The following COL26A1 variants were observed in gnomAD, a reference collection of about 807,000 sequenced individuals.
COL26A1 encodes collagen alpha-1(XXVI) chain.
A neutral mutation model predicts 59.3 loss-of-function variants in COL26A1; 41 were observed. The observed-to-expected ratio is 0.69, with a 90% CI of 0.54 to 0.90. The LOEUF is 0.90. COL26A1 is among the 40% of genes least tolerant of loss of function. The pLI is 0.00. For missense variants in COL26A1, 612 were observed against 602.3 expected (o/e 1.02, Z -0.17); for synonymous variants, 266 against 256.0 (o/e 1.04, Z -0.37).
intron 1 of COL26A1, among the ~76,000 whole-genome samples, chr7:101,413,666 A>G (rs761288311): frequency 8.5e-5 from 13 of 152,308 alleles, no homozygotes; most frequent in South Asian, 2.1e-4. Flanking sequence ...CTGAGTGCTC[A>G]GCTGGGGAGA....
chr7:101,494,320 T>G (rs772460258), intron 3 of COL26A1, among the ~76,000 whole-genome samples: 3 of 151,888 alleles, frequency 2.0e-5, no homozygotes, highest in South Asian at 2.1e-4. Flanking sequence ...AGGGATAGGG[T>G]TTCACCATGT....
chr7:101,372,949 C>A (rs1010689125), intron 1 of COL26A1, among the ~76,000 whole-genome samples: 5 of 152,176 alleles, frequency 3.3e-5, no homozygotes, highest in African/African-American at 9.7e-5. Context: ...GAACTATGAT[C>A]GTGCCACTGC....
intron 3 of COL26A1, among the ~76,000 whole-genome samples, chr7:101,469,292 T>A (rs1793837277): frequency 1.3e-5 from 2 of 152,020 alleles, no homozygotes; most frequent in African/African-American, 4.8e-5. Context: ...GAGACTGCTG[T>A]GGTTTTTTTT....
chr7:101,420,591 GC>G (rs1329206593), intron 2 of COL26A1, among the ~76,000 whole-genome samples: 1 of 151,748 alleles, frequency 6.6e-6, no homozygotes, highest in Non-Finnish European at 1.5e-5. Flanking sequence ...CACGAGGCCT[GC>G]CTTTCACCAG....
At chr7:101,549,661 T>A (rs1465932596) in intron 9 of COL26A1, among the ~76,000 whole-genome samples, 1 of 152,170 alleles carries the variant, frequency 6.6e-6, no homozygotes, top group African/African-American at 2.4e-5. Flanking sequence ...GGATTACAGG[T>A]GTGAGCCACT....
chr7:101,424,526 A>G (rs1414301759), intron 2 of COL26A1, among the ~76,000 whole-genome samples: 1 of 152,120 alleles, frequency 6.6e-6, no homozygotes, highest in Non-Finnish European at 1.5e-5. Context: ...TGAACCTGGG[A>G]AGCGGAGGCT....
At chr7:101,500,645 CCATA>C (rs2130557031) in intron 3 of COL26A1, among the ~76,000 whole-genome samples, 1 of 151,848 alleles carries the variant, frequency 6.6e-6, no homozygotes, top group African/African-American at 2.4e-5. Context: ...TGGTGAAACC[CCATA>C]CCTAAAAAAA....
chr7:101,455,192 AC>A (rs1241930219), intron 3 of COL26A1, among the ~76,000 whole-genome samples: 3 of 151,376 alleles, frequency 2.0e-5, no homozygotes, highest in African/African-American at 7.3e-5. Context: ...ACGGGCATGA[AC>A]CACCACACCT....
intron 3 of COL26A1, among the ~76,000 whole-genome samples, chr7:101,491,870 G>A (rs116611179): frequency 0.049 from 7,453 of 152,266 alleles, 622 homozygotes; most frequent in African/African-American, 0.17. Flanking sequence ...AATGCACGCA[G>A]TAGATCTCAG....
At chr7:101,398,213 T>TC (rs1791904765) in intron 1 of COL26A1, among the ~76,000 whole-genome samples, 1 of 152,210 alleles carries the variant, frequency 6.6e-6, no homozygotes, top group African/African-American at 2.4e-5. Context: ...GGATTGTTTT[T>TC]CACTGTATCT....
intron 7 of COL26A1, 89 bp from the exon 8 acceptor site, chr7:101,547,067 C>T: frequency 1.1e-6 from 1 of 898,224 alleles, no homozygotes; most frequent in Non-Finnish European, 1.7e-6. Context: ...CTTCGTGTGG[C>T]CTGGCTCAGG....
intron 1 of COL26A1, among the ~76,000 whole-genome samples, chr7:101,380,669 T>C (rs10254278): frequency 0.066 from 10,038 of 152,224 alleles, 770 homozygotes; most frequent in African/African-American, 0.18. Flanking sequence ...GACCCCTTTC[T>C]GGCCACACCC....
At chr7:101,525,171 CTTTTTTT>C (rs34881584) in intron 3 of COL26A1, among the ~76,000 whole-genome samples, 5 of 73,902 alleles carry the variant, frequency 6.8e-5, no homozygotes, top group Non-Finnish European at 9.6e-5. Context: ...TGACTTCATT[CTTTTTTT>C]TTTTTTTTTT....
chr7:101,514,798 C>T (rs566680490), intron 3 of COL26A1, among the ~76,000 whole-genome samples: 4 of 152,356 alleles, frequency 2.6e-5, no homozygotes, highest in South Asian at 2.1e-4. Flanking sequence ...GTCTCCTCCT[C>T]GCAGAGAATC....
chr7:101,398,250 G>A (rs996304149), intron 1 of COL26A1, among the ~76,000 whole-genome samples: 1 of 152,268 alleles, frequency 6.6e-6, no homozygotes, highest in Non-Finnish European at 1.5e-5. Context: ...GAGAATATGA[G>A]CTGGAGCTTG....
rs1333582580 is a variant in COL26A1 at position 101,363,201 on chromosome 7, CGGGGCCGA to C, written c.158+19_158+26del. ...CTACGCGAGCCGCCGGTGAGTAGCTCGGGGCCGAGGGGCCGGGGGGTGGGGGGAGGGAG... is the reference window on the plus strand; with the variant it reads ...CTACGCGAGCCGCCGGTGAGTAGCTCGGGGCCGGGGGGTGGGGGGAGGGAG... On this transcript the variant is annotated intron_variant, in intron 1 of 12. Coordinates refer to ENST00000313669, the MANE Select transcript of COL26A1 (RefSeq NM_001278563.3). The C allele has an allele frequency of 2.2e-5, 14 of 627,186 alleles. 1 individual carries two copies. Among genetic ancestry groups the C allele is most frequent in the Non-Finnish European group, 3.0e-5 (14 of 466,794 alleles). The allele number at this position is 627,186 out of a possible 1,614,324, so 38.9% of individuals were successfully genotyped here.
At chr7:101,408,069 C>T (rs1253158303) in intron 1 of COL26A1, among the ~76,000 whole-genome samples, 1 of 152,216 alleles carries the variant, frequency 6.6e-6, no homozygotes, top group Non-Finnish European at 1.5e-5. Flanking sequence ...ATACCACTGG[C>T]TTGCCCTTGA....
intron 3 of COL26A1, among the ~76,000 whole-genome samples, chr7:101,513,010 T>C (rs1333360462): frequency 6.6e-6 from 1 of 151,578 alleles, no homozygotes; most frequent in Non-Finnish European, 1.5e-5. Context: ...TTATTATTAT[T>C]ATTATTATTA....
At chr7:101,397,494 C>T (rs1791885580) in intron 1 of COL26A1, among the ~76,000 whole-genome samples, 2 of 147,730 alleles carry the variant, frequency 1.4e-5, no homozygotes, top group African/African-American at 2.5e-5. Flanking sequence ...TCCTTTCCTT[C>T]TCCTTCTCCT....
Sources: gnomAD v4.1 joint callset for allele counts (sites outside exome capture counted in the v4.1 genomes callset) on GRCh38, gnomAD v4.1.1 for gene constraint, MANE v1.5 for transcripts, NCBI Gene and HGNC (gene_info 2026-07-23, HGNC 2026-07-21) for gene names.